The following ANKRD23 variants were observed in gnomAD, a reference collection of about 807,000 sequenced individuals.
ANKRD23 encodes ankyrin repeat domain 23.
In ANKRD23, 52 loss-of-function variants were observed where a neutral mutation model predicts 38.1. That is an observed-to-expected ratio of 1.36 (90% CI 1.09 to 1.72). The LOEUF is 1.72. ANKRD23 is among the 40% of genes most tolerant of loss of function. The pLI is 0.00. For synonymous variants in ANKRD23, 167 were observed against 162.9 expected, an observed-to-expected ratio of 1.03 and a Z score of -0.19; for missense variants, 416 against 400.2, an observed-to-expected ratio of 1.04 and a Z score of -0.34.
rs1385019401 is a variant in ANKRD23, at chr2:96,839,352, C to A, written c.*197G>T. ...GAGGGAACGCGGCTCCCCTGACACT[C>A]GAAGCCAGGGAGGCCTCTCTCTTTG... On this transcript the variant is annotated 3_prime_UTR_variant, in exon 9 of 9. Transcript: ENST00000318357. 1.6e-6 allele frequency: 2 copies of A among 1,253,798 alleles called. No individual in the cohort carries two copies. Among genetic ancestry groups the A allele is most frequent in the Non-Finnish European group, 1.0e-6 (1 of 1,001,760 alleles). 77.7% of individuals were successfully genotyped at this position (1,253,798 alleles called of 1,614,324 possible). A position where few individuals can be genotyped will look rare whatever the true frequency, so the allele number is the denominator to read the frequency against.
chr2:96,841,961 T>TG (rs2153358831), intron 3 of ANKRD23, 99 bp downstream of exon 3: 1 of 1,535,504 alleles, frequency 6.5e-7, no homozygotes, highest in Non-Finnish European at 8.9e-7. Context: ...AGGCACTGGC[T>TG]GTGTGGTCCT....
chr2:96,840,398 G>A lies in ANKRD23; in HGVS notation c.525+18C>T. ...AAGCTGGGCGTCGACCAGAGGCTGG[G>A]CCTTTCCCCATCCTCACCAAGTCTC... On this transcript the variant is annotated intron_variant, in intron 5 of 8. Coordinates refer to ENST00000318357, the MANE Select transcript of ANKRD23 (RefSeq NM_144994.8). 1.2e-6 allele frequency: 2 copies of A among 1,613,714 alleles called. No individual in the cohort carries two copies. Among genetic ancestry groups the A allele is most frequent in the Non-Finnish European group, 1.7e-6 (2 of 1,179,874 alleles).
At position 96,839,616 on chromosome 2, in the gene ANKRD23, C is replaced by T. The variant is rs1306271659; in HGVS notation, c.851G>A (p.Arg284Gln). ...CTCCCGGATGCCGCGCTGCCAGTCT[C>T]GAGCCAGCTGCACCGGGGTCACGGA... ...AASVTPVQLA[R>Q]DWQRGIREAL... Residue 284 changes from arginine to glutamine, a missense_variant, in exon 9 of 9, where the codon CGA (arginine) becomes CAA (glutamine). Physicochemically the swap from Arg to Gln is conservative, Grantham distance 43. Coordinates refer to ENST00000318357, the MANE Select transcript of ANKRD23 (RefSeq NM_144994.8). The T allele has an allele frequency of 3.3e-6, 5 of 1,499,158 alleles. No homozygotes were observed. The highest frequency in any genetic ancestry group is 3.6e-6 in the Non-Finnish European group (4 of 1,123,756). 92.9% of individuals were successfully genotyped at this position (1,499,158 alleles called of 1,614,324 possible). A position where few individuals can be genotyped will look rare whatever the true frequency, so the allele number is the denominator to read the frequency against.
chr2:96,839,738 C>T lies in ANKRD23; in HGVS notation c.811G>A (p.Val271Met). ...LLLLYGAELG[V>M]RNAASVTPVQ... is the part of the protein sequence containing the mutation. The stretch of plus-strand genomic sequence containing the variant: ...GCGCCCACACTCACCGCGTTCCGCA[C>T]CCCCAGCTCGGCCCCATAGAGCAGC... The change falls in exon 8 of 9, where the codon GTG becomes ATG. Residue 271 changes from valine (V) to methionine (M), a missense_variant. Val to Met is a conservative substitution (Grantham distance 21). Transcript: ENST00000318357. 2 of 1,613,164 alleles carry T rather than the reference C, an allele frequency of 1.2e-6. No individual in the cohort carries two copies. Among genetic ancestry groups the T allele is most frequent in the Non-Finnish European group, 8.5e-7 (1 of 1,179,898 alleles).
chr2:96,839,639 G>C lies in ANKRD23; in HGVS notation c.828C>G (p.Ser276=). The C allele has an allele frequency of 6.6e-7, 1 of 1,516,730 alleles. No homozygotes were observed. The allele number at this position is 1,516,730 out of a possible 1,614,324, so 94.0% of individuals were successfully genotyped here. A position where few individuals can be genotyped will look rare whatever the true frequency, so the allele number is the denominator to read the frequency against. The part of the protein sequence containing the change: ...GAELGVRNAA[S]VTPVQLARDW... ...CTCGAGCCAGCTGCACCGGGGTCAC[G>C]GAGGCCTGGGAGCAACGGTGTGGGT... The change falls in exon 9 of 9, where the codon TCC becomes TCG. Residue 276 remains serine, a synonymous_variant. Coordinates refer to ENST00000318357, the MANE Select transcript of ANKRD23 (RefSeq NM_144994.8).
intron 8 of ANKRD23, 38 bp downstream of exon 8, chr2:96,839,689 G>C (rs772606680): frequency 5.5e-5 from 88 of 1,595,942 alleles, no homozygotes; most frequent in Non-Finnish European, 7.4e-5. Flanking sequence ...CGCTCCACCC[G>C]CCCTCGGGTC....
chr2:96,838,682 G>T lies in ANKRD23; in HGVS notation c.*867C>A, dbSNP rs550147889. 240 of 985,454 alleles carry T rather than the reference G, an allele frequency of 2.4e-4. No homozygotes were observed. Among genetic ancestry groups the T allele is most frequent in the Middle Eastern group, 1.5e-3 (3 of 1,938 alleles). 61.0% of individuals were successfully genotyped at this position (985,454 alleles called of 1,614,324 possible). A position where few individuals can be genotyped will look rare whatever the true frequency, so the allele number is the denominator to read the frequency against. ...GTTACGGGCCACTGCCCCAAGAGTT[G>T]AGTGGGCCACAAGCAATCCCCAGTG... On this transcript the variant is annotated 3_prime_UTR_variant, in exon 9 of 9. Transcript: ENST00000318357.
rs144684794 is a variant in ANKRD23, at chr2:96,840,051, G to A, written c.669C>T (p.Pro223=). The A allele has an allele frequency of 8.4e-5, 131 of 1,562,750 alleles. No homozygotes were observed. The highest frequency in any genetic ancestry group is 1.1e-4 in the Non-Finnish European group (123 of 1,153,038). The change falls in exon 7 of 9, where the codon CCC becomes CCT. Residue 223 remains proline, a synonymous_variant. Transcript: ENST00000318357. ...PLHVAVRTRH[P]DCLEHLIECG... Reference sequence around the variant, plus strand: ...ACTCGATGAGGTGCTCCAGGCAGTCGGGGTGCCGGGTGCGCACTGCCACGT... The same window carrying A: ...ACTCGATGAGGTGCTCCAGGCAGTCAGGGTGCCGGGTGCGCACTGCCACGT...
rs1002914501 is a variant in ANKRD23 at position 96,839,264 on chromosome 2, C to A, written c.*285G>T. On this transcript the variant is annotated 3_prime_UTR_variant, in exon 9 of 9. Coordinates refer to ENST00000318357, the MANE Select transcript of ANKRD23 (RefSeq NM_144994.8). ...CGTTCTTGGCCCTCACTCTCCTCCC[C>A]TTCCTGGCCCTCATCTGGACCCGCG... 18 of 1,183,864 alleles carry A rather than the reference C, an allele frequency of 1.5e-5. No homozygotes were observed. Among genetic ancestry groups the A allele is most frequent in the Middle Eastern group, 6.7e-4 (2 of 2,988 alleles). 73.3% of individuals were successfully genotyped at this position (1,183,864 alleles called of 1,614,324 possible). A position where few individuals can be genotyped will look rare whatever the true frequency, so the allele number is the denominator to read the frequency against.
Position 96,838,319 on chromosome 2 carries a change from A to C in ANKRD23, c.*1230T>G. 3 of 976,908 alleles carry C rather than the reference A, an allele frequency of 3.1e-6. No homozygotes were observed. The highest frequency in any genetic ancestry group is 4.7e-5 in the South Asian group (1 of 21,126). The allele number at this position is 976,908 out of a possible 1,614,324, so 60.5% of individuals were successfully genotyped here. On this transcript the variant is annotated 3_prime_UTR_variant, in exon 9 of 9. Transcript: ENST00000318357. ...CAGCATGTGGTTCTCAGTTTAGGGC[A>C]GAGCTTCTTAAGATTCACTTTCTGG...
chr2:96,843,728 C>T (rs1411990566), intron 1 of ANKRD23, among the ~76,000 whole-genome samples: 1 of 152,130 alleles, frequency 6.6e-6, no homozygotes, highest in Non-Finnish European at 1.5e-5. Context: ...CCTGGAGTCC[C>T]AGCTACTTGG....
In ANKRD23 at chr2:96,839,868, GC is replaced by G. The variant is rs763087506; in HGVS notation, c.724-44del. On this transcript the variant is annotated intron_variant, in intron 7 of 8. Coordinates refer to ENST00000318357, the MANE Select transcript of ANKRD23 (RefSeq NM_144994.8). ...AGTCAAGCTTCTGCCTCCGCGTGCT[GC>G]CCTCCTCATGCAGGAAGGTCAGGGC... The G allele has an allele frequency of 3.2e-6, 5 of 1,582,342 alleles. No individual in the cohort carries two copies. In the African/African-American group the frequency reaches 4.0e-5, roughly 13 times the overall value.
At chr2:96,842,023 G>GGT (rs773775937) in intron 3 of ANKRD23, 37 bp downstream of exon 3, 1 of 1,612,642 alleles carries the variant, frequency 6.2e-7, no homozygotes, top group Non-Finnish European at 8.5e-7. Context: ...CTGGAGCCCT[G>GGT]GTGTGTGCAC....
Position 96,839,594 on chromosome 2 carries a change from C to G in ANKRD23, c.873G>C (p.Arg291=). The change falls in exon 9 of 9, where the codon CGG becomes CGC. Residue 291 remains arginine, a synonymous_variant. Transcript: ENST00000318357. The part of the protein sequence containing the change: ...QLARDWQRGI[R]EALQAHVAHP... Reference sequence around the variant, plus strand: ...GCGCCACGTGGGCCTGCAGGGCCTCCCGGATGCCGCGCTGCCAGTCTCGAG... The same window carrying G: ...GCGCCACGTGGGCCTGCAGGGCCTCGCGGATGCCGCGCTGCCAGTCTCGAG... The G allele has an allele frequency of 6.7e-7, 1 of 1,485,620 alleles. No homozygotes were observed. Among genetic ancestry groups the G allele is most frequent in the Non-Finnish European group, 8.9e-7 (1 of 1,119,362 alleles). 92.0% of individuals were successfully genotyped at this position (1,485,620 alleles called of 1,614,324 possible). A position where few individuals can be genotyped will look rare whatever the true frequency, so the allele number is the denominator to read the frequency against.
intron 6 of ANKRD23, 63 bp downstream of exon 6, chr2:96,840,169 T>C: frequency 2.6e-6 from 4 of 1,566,936 alleles, no homozygotes; most frequent in Non-Finnish European, 3.5e-6. Flanking sequence ...ACGTGCTCTC[T>C]TCTCCAGGAA....
In ANKRD23 at chr2:96,839,790, G is replaced by T; in HGVS notation, c.759C>A (p.His253Gln). The T allele has an allele frequency of 1.2e-6, 2 of 1,613,360 alleles. No homozygotes were observed. Among genetic ancestry groups the T allele is most frequent in the Non-Finnish European group, 1.7e-6 (2 of 1,179,962 alleles). ...GTAGCTTCATGGCTTTGTAGCTGCC[G>T]TGCCGCACGGCCTCGTGCAGAGCCG... The part of the protein sequence containing the change: ...GDTALHEAVR[H>Q]GSYKAMKLLL... The change falls in exon 8 of 9, where the codon CAC (histidine) becomes CAA (glutamine). Residue 253 changes from histidine (H) to glutamine (Q), a missense_variant. His to Gln is a conservative substitution (Grantham distance 24, BLOSUM62 0). Transcript: ENST00000318357.
chr2:96,840,392 G>A lies in ANKRD23; in HGVS notation c.525+24C>T, dbSNP rs766750293. The stretch of plus-strand genomic sequence containing the variant: ...GATGTGAAGCTGGGCGTCGACCAGA[G>A]GCTGGGCCTTTCCCCATCCTCACCA... On this transcript the variant is annotated intron_variant, in intron 5 of 8. Coordinates refer to ENST00000318357, the MANE Select transcript of ANKRD23 (RefSeq NM_144994.8). 3.1e-6 allele frequency: 5 copies of A among 1,613,296 alleles called. No individual in the cohort carries two copies. The African/African-American group carries it at 4.0e-5, about 13-fold the overall frequency.
rs1036442209 is a variant in ANKRD23, at chr2:96,838,387, G to A, written c.*1162C>T. Reference sequence around the variant, plus strand: ...CCACCAGCAGTACAGGCCTACACCAGTGTAATTTGAAACGTACAGACGGTG... The same window carrying A: ...CCACCAGCAGTACAGGCCTACACCAATGTAATTTGAAACGTACAGACGGTG... On this transcript the variant is annotated 3_prime_UTR_variant, in exon 9 of 9. Coordinates refer to ENST00000318357, the MANE Select transcript of ANKRD23 (RefSeq NM_144994.8). 2.0e-6 allele frequency: 2 copies of A among 988,066 alleles called. No individual in the cohort carries two copies. The highest frequency in any genetic ancestry group is 1.7e-5 in the African/African-American group (1 of 57,324). 61.2% of individuals were successfully genotyped at this position (988,066 alleles called of 1,614,324 possible). A position where few individuals can be genotyped will look rare whatever the true frequency, so the allele number is the denominator to read the frequency against.
chr2:96,842,049 C>T lies in ANKRD23; in HGVS notation c.300+11G>A, dbSNP rs528045312. On this transcript the variant is annotated intron_variant, in intron 3 of 8. Coordinates refer to ENST00000318357, the MANE Select transcript of ANKRD23 (RefSeq NM_144994.8). Reference sequence around the variant, plus strand: ...GTGTGTGCACTGCCCTAACCCCGACCTCCCACTCACCTTAACCAGGGGCTC... The same window carrying T: ...GTGTGTGCACTGCCCTAACCCCGACTTCCCACTCACCTTAACCAGGGGCTC... The T allele has an allele frequency of 4.5e-5, 72 of 1,613,762 alleles. No homozygotes were observed. In the Admixed American group the frequency reaches 5.7e-4, roughly 13 times the overall value.
Sources: allele counts gnomAD v4.1 joint callset (sites outside exome capture counted in the v4.1 genomes callset), GRCh38; gene constraint gnomAD v4.1.1; transcripts MANE v1.5; gene names NCBI Gene and HGNC (gene_info 2026-07-23, HGNC 2026-07-21).